Variants in VWA8 observed in about 807,000 individuals in gnomAD.
VWA8 encodes the protein von Willebrand factor A domain containing 8.
A neutral mutation model predicts 241.5 loss-of-function variants in VWA8; 221 were observed. That is an observed-to-expected ratio of 0.91 (90% confidence interval 0.82 to 1.02). The LOEUF (loss-of-function observed/expected upper bound fraction) is 1.02. VWA8 is among the 50% of genes least tolerant of loss of function. The probability of loss-of-function intolerance (pLI) is 0.00; values close to 1 mark genes in which losing one functional copy is unlikely to be tolerated. For missense variants in VWA8, 2,322 were observed against 2,328.7 expected (o/e 1.00, Z 0.06); for synonymous variants, 852 against 827.1 (o/e 1.03, Z -0.52).
chr13:41,887,956 C>T (rs913423689), intron 5 of VWA8, among the ~76,000 whole-genome samples: 16 of 152,194 alleles, frequency 1.1e-4, no homozygotes, highest in African/African-American at 3.6e-4. Context: ...CATCGTCCTG[C>T]AACTAGCATA....
At chr13:41,908,832 T>C (rs1295181409) in intron 3 of VWA8, among the ~76,000 whole-genome samples, 16 of 152,172 alleles carry the variant, frequency 1.1e-4, no homozygotes, top group Admixed American at 7.9e-4. Context: ...CACAATAAGT[T>C]TTTACTAAAC....
At chr13:41,771,198 C>T (rs2045820557) in intron 20 of VWA8, among the ~76,000 whole-genome samples, 1 of 152,198 alleles carries the variant, frequency 6.6e-6, no homozygotes, top group Admixed American at 6.5e-5. Flanking sequence ...TCTCGGCTCA[C>T]TGCAACCTCC....
chr13:41,566,864 T>A lies in VWA8; in HGVS notation c.*1333A>T, dbSNP rs552496452. On this transcript the variant is annotated 3_prime_UTR_variant, in exon 45 of 45. Transcript: ENST00000379310. The stretch of plus-strand genomic sequence containing the variant: ...AAATCAGATTGCTTTTATTTATTTA[T>A]TTGATAGTTAATGATAGGGAGAGGG... 9.2e-5 allele frequency: 14 copies of A among 152,314 alleles called. No homozygotes were observed. The highest frequency in any genetic ancestry group is 2.1e-4 in the Non-Finnish European group (14 of 68,020). 9.4% of individuals were successfully genotyped at this position (152,314 alleles called of 1,614,324 possible).
intron 20 of VWA8, among the ~76,000 whole-genome samples, chr13:41,775,616 C>A (rs1268763782): frequency 1.8e-4 from 27 of 152,136 alleles, no homozygotes; most frequent in Admixed American, 1.7e-3. Flanking sequence ...ATGCTGGAGT[C>A]CAACCATCTA....
chr13:41,591,394 G>C (rs910557487), intron 40 of VWA8, among the ~76,000 whole-genome samples: 1 of 152,018 alleles, frequency 6.6e-6, no homozygotes, highest in Non-Finnish European at 1.5e-5. Context: ...AAATGATAAA[G>C]AATTATAGTA....
At chr13:41,871,853 T>C (rs940939087) in intron 9 of VWA8, among the ~76,000 whole-genome samples, 5 of 152,252 alleles carry the variant, frequency 3.3e-5, no homozygotes, top group African/African-American at 1.2e-4. Flanking sequence ...ATGGTATTTC[T>C]AGCTCTAGAT....
intron 17 of VWA8, among the ~76,000 whole-genome samples, chr13:41,788,030 A>G (rs529364065): frequency 4.6e-5 from 7 of 152,298 alleles, no homozygotes; most frequent in Non-Finnish European, 8.8e-5. Flanking sequence ...ATTAAAAAAT[A>G]TATCTGCTTA....
At chr13:41,730,775 C>T (rs756613020) in intron 22 of VWA8, among the ~76,000 whole-genome samples, 2 of 151,786 alleles carry the variant, frequency 1.3e-5, no homozygotes, top group African/African-American at 2.4e-5. Context: ...TGGACCATAT[C>T]CTAATTTTTC....
At chr13:41,933,061 T>C (rs1877196430) in intron 2 of VWA8, among the ~76,000 whole-genome samples, 1 of 152,008 alleles carries the variant, frequency 6.6e-6, no homozygotes, top group South Asian at 2.1e-4. Context: ...TCTTTATTTA[T>C]GGACATGATT....
intron 18 of VWA8, among the ~76,000 whole-genome samples, chr13:41,784,697 C>CATATATAT (rs59582293): frequency 0.039 from 2,215 of 56,710 alleles, 72 homozygotes; most frequent in African/African-American, 0.046. Flanking sequence ...TATACATATA[C>CATATATAT]ATATATATAT....
rs746508858 is a variant in VWA8 at position 41,611,589 on chromosome 13, C to T, written c.4864G>A (p.Ala1622Thr). The part of the protein sequence containing the change: ...KRAAREMGQR[A>T]FQQRLKEIQM... ...GGGAGCACTGACCTCTGCTGGAATGCTCTCTGGCCCATCTCTCTAGCAGCT... is the reference window on the plus strand; with the variant it reads ...GGGAGCACTGACCTCTGCTGGAATGTTCTCTGGCCCATCTCTCTAGCAGCT... Residue 1622 changes from alanine to threonine, a missense_variant, in exon 39 of 45, where the codon GCA (alanine) becomes ACA (threonine). Transcript: ENST00000379310. 3 of 1,613,994 alleles carry T rather than the reference C, an allele frequency of 1.9e-6. No individual in the cohort carries two copies. The highest frequency in any genetic ancestry group is 3.3e-5 in the Admixed American group (2 of 60,008).
intron 12 of VWA8, among the ~76,000 whole-genome samples, chr13:41,844,717 T>A (rs187593192): frequency 1.9e-4 from 29 of 151,916 alleles, no homozygotes; most frequent in Admixed American, 9.8e-4. Context: ...GATACACCGA[T>A]AACATTCAAC....
At chr13:41,742,247 T>C (rs1387550998) in intron 21 of VWA8, among the ~76,000 whole-genome samples, 3 of 152,232 alleles carry the variant, frequency 2.0e-5, no homozygotes. Context: ...TAAATGGATG[T>C]TCCAAAGATG....
chr13:41,676,108 G>A (rs2045058484), intron 35 of VWA8, among the ~76,000 whole-genome samples: 2 of 152,062 alleles, frequency 1.3e-5, no homozygotes, highest in African/African-American at 4.8e-5. Flanking sequence ...ATGTTATACG[G>A]AGCTATTACT....
In VWA8 at chr13:41,585,892, G is replaced by GA. The variant is rs1055522862; in HGVS notation, c.5271+1619dup. ...AAAAAAAAAAAAAGAAAAAGAAAAA[G>GA]AAAAAAAAAACCTCCATATAGCTCA... On this transcript the variant is annotated intron_variant, in intron 42 of 44. Coordinates refer to ENST00000379310, the MANE Select transcript of VWA8 (RefSeq NM_015058.2). Among the ~76,000 whole-genome samples the GA allele has an allele frequency of 7.6e-4, 107 of 140,244 alleles. 1 individual carries two copies. In the South Asian group the frequency reaches 0.011, roughly 14 times the overall value. The allele number at this position is 140,244 out of a possible 152,430, so 92.0% of individuals were successfully genotyped here.
intron 14 of VWA8, among the ~76,000 whole-genome samples, chr13:41,824,263 T>C (rs1313961963): frequency 6.6e-6 from 1 of 152,166 alleles, no homozygotes; most frequent in Non-Finnish European, 1.5e-5. Context: ...GGCAGGCATG[T>C]GTAGATACTG....
chr13:41,690,105 A>G, intron 33 of VWA8, 61 bp downstream of exon 33: 2 of 1,415,162 alleles, frequency 1.4e-6, no homozygotes, highest in Non-Finnish European at 1.9e-6. Flanking sequence ...TGATTCTAGA[A>G]GACAGTATAT....
chr13:41,926,466 T>C (rs980229368), intron 2 of VWA8: 1 of 524,754 alleles, frequency 1.9e-6, no homozygotes, highest in Non-Finnish European at 3.8e-6. Flanking sequence ...GCGCTGGACA[T>C]GAGAATTGCT....
chr13:41,653,579 C>CA (rs1271478235), intron 37 of VWA8, among the ~76,000 whole-genome samples: 1 of 151,798 alleles, frequency 6.6e-6, no homozygotes, highest in Non-Finnish European at 1.5e-5. Context: ...CATATGGAAC[C>CA]AAAAAAAGAG....
Sources: gnomAD v4.1 joint callset for allele counts (sites outside exome capture counted in the v4.1 genomes callset) on GRCh38, gnomAD v4.1.1 for gene constraint, MANE v1.5 for transcripts, NCBI Gene and HGNC (gene_info 2026-07-23, HGNC 2026-07-21) for gene names.